The following ZNF276 variants were observed in gnomAD, a reference collection of about 807,000 sequenced individuals.
The protein encoded by ZNF276 is centromere protein Z.
A neutral mutation model predicts 63.9 loss-of-function variants in ZNF276; 59 were observed. That is an observed-to-expected ratio of 0.92 (90% CI 0.75 to 1.15). The LOEUF is 1.15. Among genes scored for constraint, ZNF276 ranks in the 50% most tolerant of loss-of-function variants. The pLI, the probability that ZNF276 is intolerant of heterozygous loss-of-function variation, is 0.00. For missense variants in ZNF276, 1,084 were observed against 843.8 expected (o/e 1.28, Z -3.53); for synonymous variants, 496 against 348.4 (o/e 1.42, Z -4.72).
At chr16:89,736,943 G>C (rs2151704218) in intron 9 of ZNF276, among the ~76,000 whole-genome samples, 1 of 152,202 alleles carries the variant, frequency 6.6e-6, no homozygotes, top group South Asian at 2.1e-4. Context: ...TGCCAAGATA[G>C]GGTTTCCCTT....
upstream of ZNF276, chr16:89,720,413 C>G: frequency 9.8e-7 from 1 of 1,017,850 alleles, no homozygotes; most frequent in Non-Finnish European, 1.2e-6. Context: ...TCTACCATCT[C>G]TGCCCAGAAA....
At chr16:89,721,352 C>T, upstream of ZNF276, 1 of 320,306 alleles carries the variant, frequency 3.1e-6, no homozygotes. Flanking sequence ...CTCCGCCCAC[C>T]GCCCCGCCCC....
chr16:89,723,255 T>C lies in ZNF276; in HGVS notation c.557-5T>C. The C allele has an allele frequency of 6.2e-7, 1 of 1,613,196 alleles. No homozygotes were observed. The highest frequency in any genetic ancestry group is 1.1e-5 in the South Asian group (1 of 91,082). On this transcript the variant is annotated splice_polypyrimidine_tract_variant and splice_region_variant and intron_variant, in intron 3 of 10. Transcript: ENST00000443381. ...GGATCTGACATCTCTGTTGACTCTCTGCAGTGGATCTGATCACATCCAGCC... is the reference window on the plus strand; with the variant it reads ...GGATCTGACATCTCTGTTGACTCTCCGCAGTGGATCTGATCACATCCAGCC...
chr16:89,723,747 G>A (rs769251193), intron 4 of ZNF276, 38 bp downstream of exon 4: 2 of 1,575,018 alleles, frequency 1.3e-6, no homozygotes, highest in Non-Finnish European at 1.7e-6. Flanking sequence ...ACCAGGATGT[G>A]TGCTCCTCAG....
intron 5 of ZNF276, among the ~76,000 whole-genome samples, chr16:89,728,852 G>A (rs2061556049): frequency 6.6e-6 from 1 of 152,216 alleles, no homozygotes; most frequent in Non-Finnish European, 1.5e-5. Flanking sequence ...TGTGAACTTA[G>A]AAGTGACTCA....
intron 6 of ZNF276, among the ~76,000 whole-genome samples, chr16:89,730,465 C>G (rs1376490060): frequency 6.6e-6 from 1 of 152,134 alleles, no homozygotes; most frequent in African/African-American, 2.4e-5. Flanking sequence ...CCAGGCGAGC[C>G]TTTTCCGGAT....
rs760945805 is a variant in ZNF276 at position 89,738,906 on chromosome 16, T to C, written c.*660T>C. 5 of 1,614,252 alleles carry C rather than the reference T, an allele frequency of 3.1e-6. No homozygotes were observed. The East Asian group carries it at 1.1e-4, about 36-fold the overall frequency. Reference sequence around the variant, plus strand: ...CCTCTGCCACGTGTGAGAAGCTCTTTTTCGGGCACCGAGGTATTAACTGCA... The same window carrying C: ...CCTCTGCCACGTGTGAGAAGCTCTTCTTCGGGCACCGAGGTATTAACTGCA... On this transcript the variant is annotated 3_prime_UTR_variant, in exon 11 of 11. Coordinates refer to ENST00000443381, the MANE Select transcript of ZNF276 (RefSeq NM_001113525.2).
chr16:89,728,782 C>G (rs1488676541), intron 5 of ZNF276, among the ~76,000 whole-genome samples: 2 of 152,194 alleles, frequency 1.3e-5, no homozygotes, highest in Admixed American at 6.5e-5. Context: ...TGCGATCCAC[C>G]TACGTCACCC....
Position 89,727,306 on chromosome 16 carries a change from C to T in ZNF276, c.1034C>T (p.Ser345Phe), listed in dbSNP as rs374799599. The T allele has an allele frequency of 1.1e-5, 18 of 1,614,044 alleles. No homozygotes were observed. Among genetic ancestry groups the T allele is most frequent in the Admixed American group, 1.7e-5 (1 of 59,992 alleles). ...PGQLGEKQLP[S>F]STSDDRVKDE... ...CAGTTGGGTGAGAAGCAGCTTCCAT[C>T]TTCAACCTCGGATGATCGGGTAAAA... Residue 345 changes from serine to phenylalanine, a missense_variant, in exon 5 of 11, where the codon TCT becomes TTT. Physicochemically the swap from Ser to Phe is radical, Grantham distance 155. Coordinates refer to ENST00000443381, the MANE Select transcript of ZNF276 (RefSeq NM_001113525.2).
chr16:89,720,908 G>A (rs2061247939), upstream of ZNF276: 1 of 1,275,598 alleles, frequency 7.8e-7, no homozygotes, highest in Non-Finnish European at 9.9e-7. Context: ...GGCTGGACGG[G>A]CGACCGGAGG....
chr16:89,728,652 T>C (rs1179241586), intron 5 of ZNF276, among the ~76,000 whole-genome samples: 1 of 152,194 alleles, frequency 6.6e-6, no homozygotes, highest in East Asian at 1.9e-4. Context: ...TCCGCCCGCC[T>C]CTGCCTCCCA....
At position 89,737,964 on chromosome 16, in the gene ZNF276, T is replaced by C; in HGVS notation, c.1575-12T>C. On this transcript the variant is annotated splice_polypyrimidine_tract_variant and intron_variant, in intron 10 of 10. Transcript: ENST00000443381. ...TGGCCCTCGCACCTTCTTATCTGCC[T>C]CTGTCCCCCAGGTGTGAGGTCTGTG... 6.2e-7 allele frequency: 1 copy of C among 1,614,088 alleles called. No homozygotes were observed. The highest frequency in any genetic ancestry group is 8.5e-7 in the Non-Finnish European group (1 of 1,179,976).
At chr16:89,724,312 C>T (rs1362752111) in intron 4 of ZNF276, among the ~76,000 whole-genome samples, 1 of 152,220 alleles carries the variant, frequency 6.6e-6, no homozygotes. Context: ...TGTGTGTGCT[C>T]TGTGCACCTG....
chr16:89,735,734 G>GAAAC (rs1178605931), intron 9 of ZNF276, among the ~76,000 whole-genome samples: 1 of 152,044 alleles, frequency 6.6e-6, no homozygotes, highest in Non-Finnish European at 1.5e-5. Context: ...TTTATTGATG[G>GAAAC]AAACAGTCTC....
At position 89,740,783 on chromosome 16, in the gene ZNF276, G is replaced by C; in HGVS notation, c.*2537G>C. The stretch of plus-strand genomic sequence containing the variant: ...GGCCCACAGTGGGAGAGGACACCTT[G>C]GCTGGTAAGGTCTGACTTACATTTG... On this transcript the variant is annotated 3_prime_UTR_variant, in exon 11 of 11. Coordinates refer to ENST00000443381, the MANE Select transcript of ZNF276 (RefSeq NM_001113525.2). The C allele has an allele frequency of 6.2e-7, 1 of 1,610,734 alleles. No individual in the cohort carries two copies. The highest frequency in any genetic ancestry group is 8.5e-7 in the Non-Finnish European group (1 of 1,177,556).
chr16:89,720,725 A>G (rs1210863496), upstream of ZNF276: 2 of 1,412,910 alleles, frequency 1.4e-6, no homozygotes, highest in Non-Finnish European at 9.2e-7. Flanking sequence ...TCCAGGGGCC[A>G]CCCTCAGCGG....
Position 89,721,862 on chromosome 16 carries a change from G to A in ZNF276, c.205+17G>A, listed in dbSNP as rs989252437. On this transcript the variant is annotated intron_variant, in intron 1 of 10. Transcript: ENST00000443381. ...ACGAGGCAGGTGGGTCCGCGGCCCG[G>A]GCGTGGCGGGTTGGGGTCGCGGCAG... The A allele has an allele frequency of 8.1e-5, 97 of 1,201,812 alleles. No individual in the cohort carries two copies. The highest frequency in any genetic ancestry group is 9.3e-5 in the Non-Finnish European group (90 of 968,518). The allele number at this position is 1,201,812 out of a possible 1,614,324, so 74.4% of individuals were successfully genotyped here.
rs2061499819 is a variant in ZNF276, at chr16:89,727,373, G to T, written c.1085+16G>T. 1.2e-6 allele frequency: 2 copies of T among 1,611,080 alleles called. No homozygotes were observed. Among genetic ancestry groups the T allele is most frequent in the East Asian group, 4.5e-5 (2 of 44,866 alleles). The stretch of plus-strand genomic sequence containing the variant: ...TTTCTGAGGGGTGAGAGAAGAGTGG[G>T]TTTAAACAGCCTAAAATTTCTCCTT... On this transcript the variant is annotated intron_variant, in intron 5 of 10. Coordinates refer to ENST00000443381, the MANE Select transcript of ZNF276 (RefSeq NM_001113525.2).
At chr16:89,732,811 C>G (rs2061706398) in intron 6 of ZNF276, 2 of 229,342 alleles carry the variant, frequency 8.7e-6, no homozygotes, top group Non-Finnish European at 1.8e-5. Context: ...TCACCCTCTG[C>G]TGTGTTCACC....
Sources: gnomAD v4.1 joint callset for allele counts (sites outside exome capture counted in the v4.1 genomes callset) on GRCh38, gnomAD v4.1.1 for gene constraint, MANE v1.5 for transcripts, NCBI Gene and HGNC (gene_info 2026-07-23, HGNC 2026-07-21) for gene names.